Variants in VRK1 observed in about 807,000 individuals in gnomAD.
The protein encoded by VRK1 is VRK serine/threonine kinase 1.
In VRK1, 33 loss-of-function variants were observed where a neutral mutation model predicts 57.1. The ratio of observed to expected loss-of-function variants is 0.58; its 90% CI spans 0.44 to 0.77. VRK1 has a LOEUF of 0.77. VRK1 is among the 30% of genes least tolerant of loss of function. The pLI is 0.00. For missense variants in VRK1, 413 were observed against 477.3 expected (o/e 0.87, Z 1.25); for synonymous variants, 137 against 147.8 (o/e 0.93, Z 0.53).
intron 3 of VRK1, among the ~76,000 whole-genome samples, chr14:96,841,002 C>T (rs1595666398): frequency 6.6e-6 from 1 of 151,794 alleles, no homozygotes; most frequent in African/African-American, 2.4e-5. Flanking sequence ...ACTAAAGGCA[C>T]GCACCACCAT....
At chr14:96,879,810 T>G (rs868743990) in intron 12 of VRK1, among the ~76,000 whole-genome samples, 1 of 151,726 alleles carries the variant, frequency 6.6e-6, no homozygotes, top group Non-Finnish European at 1.5e-5. Context: ...GCACCTGTAA[T>G]CTCAGCTACT....
chr14:96,851,784 T>C (rs1887959378), intron 5 of VRK1, among the ~76,000 whole-genome samples: 1 of 152,206 alleles, frequency 6.6e-6, no homozygotes, highest in African/African-American at 2.4e-5. Context: ...TGCTGTAAAA[T>C]GGGTATGATA....
chr14:96,851,399 C>G (rs1327599802), intron 5 of VRK1, among the ~76,000 whole-genome samples: 2 of 152,116 alleles, frequency 1.3e-5, no homozygotes, highest in African/African-American at 4.8e-5. Flanking sequence ...CCTTGGCCTC[C>G]CAAAGTGCTG....
intron 5 of VRK1, among the ~76,000 whole-genome samples, chr14:96,851,261 C>T (rs183742334): frequency 1.3e-5 from 2 of 152,096 alleles, no homozygotes; most frequent in East Asian, 3.9e-4. Context: ...CTGCCTTAGC[C>T]TCCCGAGTTG....
intron 1 of VRK1, among the ~76,000 whole-genome samples, chr14:96,830,222 C>T (rs1474276171): frequency 1.3e-5 from 2 of 151,958 alleles, no homozygotes; most frequent in Non-Finnish European, 2.9e-5. Context: ...GTGATATGAC[C>T]TTTCAAAATG....
At chr14:96,862,826 A>G (rs1157907890) in intron 11 of VRK1, among the ~76,000 whole-genome samples, 1 of 152,132 alleles carries the variant, frequency 6.6e-6, no homozygotes, top group Admixed American at 6.5e-5. Context: ...TAATTAGTAC[A>G]TTTGTTTCCT....
chr14:96,836,747 C>T (rs948378448), intron 2 of VRK1, among the ~76,000 whole-genome samples: 4 of 151,770 alleles, frequency 2.6e-5, no homozygotes, highest in African/African-American at 4.8e-5. Context: ...AGGCTGGTCT[C>T]GGAACTCCTG....
In VRK1 at chr14:96,881,276, A is replaced by C. The variant is rs543796597; in HGVS notation, c.*68A>C. 1.4e-6 allele frequency: 2 copies of C among 1,431,514 alleles called. No individual in the cohort carries two copies. The highest frequency in any genetic ancestry group is 1.4e-5 in the African/African-American group (1 of 70,904). 88.7% of individuals were successfully genotyped at this position (1,431,514 alleles called of 1,614,324 possible). On this transcript the variant is annotated 3_prime_UTR_variant, in exon 13 of 13. Transcript: ENST00000216639. Reference sequence around the variant, plus strand: ...TGACTTTTTTCTCCTTTTCTATTTGAACTGTTTTATTTTCCTGTGAGTCTT... The same window carrying C: ...TGACTTTTTTCTCCTTTTCTATTTGCACTGTTTTATTTTCCTGTGAGTCTT...
chr14:96,849,882 T>A (rs1887880339), intron 5 of VRK1, among the ~76,000 whole-genome samples: 1 of 152,184 alleles, frequency 6.6e-6, no homozygotes, highest in African/African-American at 2.4e-5. Context: ...ACAGGGCTTT[T>A]GTTTGTGTGA....
intron 3 of VRK1, among the ~76,000 whole-genome samples, chr14:96,842,966 A>G (rs1887525366): frequency 6.6e-6 from 1 of 152,228 alleles, no homozygotes; most frequent in African/African-American, 2.4e-5. Context: ...CTGATAATAC[A>G]TGTATCTGCC....
chr14:96,864,121 T>C (rs115493898), intron 11 of VRK1, among the ~76,000 whole-genome samples: 1,677 of 152,318 alleles, frequency 0.011, 27 homozygotes, highest in South Asian at 0.064. Flanking sequence ...CATAGTACTG[T>C]AGTTAAGTCG....
rs186548965 is a variant in VRK1, at chr14:96,822,802, C to A, written c.-5-10665C>A. Among the ~76,000 whole-genome samples, 28 of 152,304 alleles carry A rather than the reference C, an allele frequency of 1.8e-4. No homozygotes were observed. In the East Asian group the frequency reaches 5.0e-3, roughly 27 times the overall value. ...CAAACCTTGTAGAAATCCATTTACC[C>A]TGTGGTGAAATTCAGAGTCCTGACA... On this transcript the variant is annotated intron_variant, in intron 1 of 12. Transcript: ENST00000216639.
At chr14:96,858,834 T>G (rs957492023) in intron 10 of VRK1, 1 of 152,222 alleles carries the variant, frequency 6.6e-6, no homozygotes, top group Non-Finnish European at 1.5e-5. Flanking sequence ...CTGCTTTTCT[T>G]TAACTGGACT....
At chr14:96,871,290 C>G (rs1249048342) in intron 11 of VRK1, among the ~76,000 whole-genome samples, 1 of 152,130 alleles carries the variant, frequency 6.6e-6, no homozygotes, top group African/African-American at 2.4e-5. Context: ...GTTGTACTTC[C>G]TTTCTATCTC....
At chr14:96,879,298 G>T (rs1361153788) in intron 12 of VRK1, among the ~76,000 whole-genome samples, 2 of 152,090 alleles carry the variant, frequency 1.3e-5, no homozygotes, top group Admixed American at 6.5e-5. Context: ...ATTGATTTAT[G>T]CAGCAAAGTC....
intron 11 of VRK1, among the ~76,000 whole-genome samples, chr14:96,863,466 GA>G (rs1888466123): frequency 6.6e-6 from 1 of 152,148 alleles, no homozygotes; most frequent in African/African-American, 2.4e-5. Flanking sequence ...TAATTTACTG[GA>G]AAGAGCTCAG....
In VRK1 at chr14:96,860,702, G is replaced by T. The variant is rs1391025093; in HGVS notation, c.1035G>T (p.Glu345Asp). ...DDGKLDLSVV[E>D]NGGLKAKTIT... The stretch of plus-strand genomic sequence containing the variant: ...GCAAATTGGACCTCAGTGTTGTGGA[G>T]AATGGAGGTTTGAAAGCAAAAACAA... The change falls in exon 11 of 13, where the codon GAG (glutamate) becomes GAT (aspartate). Residue 345 changes from glutamate to aspartate, a missense_variant. Around this residue, in one of 3 missense-constraint regions of VRK1, gnomAD observed 146 missense variants for 138.2 expected, o/e 1.06. Coordinates refer to ENST00000216639, the MANE Select transcript of VRK1 (RefSeq NM_003384.3). The T allele has an allele frequency of 2.5e-6, 4 of 1,613,054 alleles. No homozygotes were observed. The highest frequency in any genetic ancestry group is 3.4e-6 in the Non-Finnish European group (4 of 1,179,446).
chr14:96,850,561 C>G (rs1254578581), intron 5 of VRK1, among the ~76,000 whole-genome samples: 1 of 152,054 alleles, frequency 6.6e-6, no homozygotes, highest in African/African-American at 2.4e-5. Flanking sequence ...AGATTAAGGT[C>G]TTATTAAGAG....
chr14:96,867,456 AGTGTGTGTGT>A (rs34415863), intron 11 of VRK1, among the ~76,000 whole-genome samples: 6,058 of 148,468 alleles, frequency 0.041, 357 homozygotes, highest in African/African-American at 0.13. Context: ...TCTGTGCACA[AGTGTGTGTGT>A]GTGTGTGTGT....
Sources: gnomAD v4.1 joint callset for allele counts (sites outside exome capture counted in the v4.1 genomes callset) on GRCh38, gnomAD v4.1.1 for gene constraint, gnomAD v4.1.1 regional missense constraint, MANE v1.5 for transcripts, NCBI Gene and HGNC (gene_info 2026-07-23, HGNC 2026-07-21) for gene names.